LY96: variants seen among roughly 807,000 people sequenced by gnomAD.
The protein encoded by LY96 is myeloid differentiation protein-2.
LY96 carries 18 observed loss-of-function variants against 18.9 expected under a neutral mutation model. That is an observed-to-expected ratio of 0.95 (90% confidence interval 0.66 to 1.41). The LOEUF (loss-of-function observed/expected upper bound fraction) is 1.41, where lower values mean the gene tolerates loss of function less well. LY96 is among the 40% of genes most tolerant of loss of function. The pLI, the probability that LY96 is intolerant of heterozygous loss-of-function variation, is 0.00. For synonymous variants in LY96, 66 were observed against 62.6 expected, an observed-to-expected ratio of 1.06 and a Z score of -0.26; for missense variants, 175 against 182.4, an observed-to-expected ratio of 0.96 and a Z score of 0.23.
the LY96 span, among the ~76,000 whole-genome samples, chr8:74,080,261 G>A: frequency 6.6e-6 from 1 of 152,132 alleles, no homozygotes; most frequent in South Asian, 2.1e-4. Flanking sequence ...CTAGCATAAT[G>A]GCCTTTGGGT....
the LY96 span, among the ~76,000 whole-genome samples, chr8:74,093,844 A>AT: frequency 6.6e-6 from 1 of 152,158 alleles, no homozygotes; most frequent in African/African-American, 2.4e-5. Context: ...ATAGCATATT[A>AT]TTTATTTTGA....
At chr8:73,995,635 A>G (rs935514766) in intron 1 of LY96, among the ~76,000 whole-genome samples, 4 of 152,192 alleles carry the variant, frequency 2.6e-5, no homozygotes, top group African/African-American at 7.2e-5. Context: ...AGTTTTGGAA[A>G]AGGCAAAAAA....
chr8:74,068,803 T>C, the LY96 span, among the ~76,000 whole-genome samples: 1 of 152,244 alleles, frequency 6.6e-6, no homozygotes, highest in Non-Finnish European at 1.5e-5. Flanking sequence ...TACTGAGTTT[T>C]AATAATTCTT....
chr8:74,085,325 A>T, the LY96 span, among the ~76,000 whole-genome samples: 4 of 152,224 alleles, frequency 2.6e-5, no homozygotes, highest in African/African-American at 9.6e-5. Context: ...TTCTGGAATC[A>T]CAGAGGAATC....
intron 2 of LY96, among the ~76,000 whole-genome samples, chr8:74,009,374 C>CAAAAAAAAAAAAAAAAAAAAAAAAAAAAA (rs370593442): frequency 1.0e-4 from 6 of 58,812 alleles, no homozygotes; most frequent in Non-Finnish European, 1.5e-4. Context: ...CAGTCTTTCT[C>CAAAAAAAAAAAAAAAAAAAAAAAAAAAAA]AAAAAAAAAA....
chr8:74,056,605 G>T, the LY96 span: 1 of 157,254 alleles, frequency 6.4e-6, no homozygotes, highest in South Asian at 1.7e-4. Flanking sequence ...TGGGAAGGTT[G>T]AACGAGCAGA....
chr8:74,058,048 T>G, the LY96 span, among the ~76,000 whole-genome samples: 1 of 152,160 alleles, frequency 6.6e-6, no homozygotes, highest in Non-Finnish European at 1.5e-5. Context: ...AGTAGTCCTG[T>G]TTGAAGAGGA....
chr8:73,991,959 G>C (rs1816013696), intron 1 of LY96, among the ~76,000 whole-genome samples: 1 of 152,156 alleles, frequency 6.6e-6, no homozygotes, highest in Non-Finnish European at 1.5e-5. Flanking sequence ...TCTGCTCTAA[G>C]CTGTGACTCT....
the LY96 span, among the ~76,000 whole-genome samples, chr8:74,037,209 C>T: frequency 1.3e-5 from 2 of 152,122 alleles, no homozygotes; most frequent in African/African-American, 4.8e-5. Context: ...ATTCAAATTC[C>T]TTGGTTGTCT....
At chr8:74,079,319 A>G in the LY96 span, among the ~76,000 whole-genome samples, 1 of 152,170 alleles carries the variant, frequency 6.6e-6, no homozygotes, top group African/African-American at 2.4e-5. Context: ...CCATAATCTC[A>G]TGGACCAAAA....
the LY96 span, among the ~76,000 whole-genome samples, chr8:74,038,866 C>T: frequency 3.9e-5 from 6 of 152,214 alleles, no homozygotes; most frequent in Non-Finnish European, 1.5e-5. Flanking sequence ...TTCCTTTCTT[C>T]TGGGTAATCC....
At chr8:74,005,428 G>A (rs986015635) in intron 2 of LY96, among the ~76,000 whole-genome samples, 3 of 152,192 alleles carry the variant, frequency 2.0e-5, no homozygotes, top group Non-Finnish European at 4.4e-5. Context: ...ACTACTGGGA[G>A]AGGATTACAC....
the LY96 span, among the ~76,000 whole-genome samples, chr8:74,038,364 G>A: frequency 6.6e-6 from 1 of 151,526 alleles, no homozygotes; most frequent in African/African-American, 2.4e-5. Flanking sequence ...CCCAGCCTCT[G>A]GTAACCATCC....
At chr8:74,053,979 T>G in the LY96 span, among the ~76,000 whole-genome samples, 1 of 152,206 alleles carries the variant, frequency 6.6e-6, no homozygotes, top group Non-Finnish European at 1.5e-5. Context: ...GCTTTTGGAC[T>G]TCAGAATTGT....
chr8:73,993,457 A>AT (rs919486663), intron 1 of LY96, among the ~76,000 whole-genome samples: 8 of 151,624 alleles, frequency 5.3e-5, no homozygotes, highest in South Asian at 2.1e-4. Context: ...TAATTAAATA[A>AT]TTTTTTTTGA....
the LY96 span, among the ~76,000 whole-genome samples, chr8:74,098,351 AT>A: frequency 2.0e-5 from 3 of 152,104 alleles, no homozygotes; most frequent in Admixed American, 6.6e-5. Flanking sequence ...ATTAAAAAAA[AT>A]CTCACAGGTT....
the LY96 span, among the ~76,000 whole-genome samples, chr8:74,066,809 T>G: frequency 6.6e-6 from 1 of 152,156 alleles, no homozygotes; most frequent in Non-Finnish European, 1.5e-5. Context: ...CAGAGGGAGA[T>G]TCTCCAAAGA....
chr8:74,028,920 T>G (rs1816921850), intron 4 of LY96, 36 bp from the exon 5 acceptor site: 1 of 1,283,592 alleles, frequency 7.8e-7, no homozygotes, highest in Non-Finnish European at 1.1e-6. Context: ...GCATCTAACA[T>G]TTTGTATTAC....
chr8:74,020,801 C>G (rs538029073), intron 3 of LY96, among the ~76,000 whole-genome samples: 9 of 152,176 alleles, frequency 5.9e-5, no homozygotes, highest in East Asian at 1.9e-4. Flanking sequence ...ACAAACCTGA[C>G]AAAAACAAGC....
Sources: gnomAD v4.1 joint callset for allele counts (sites outside exome capture counted in the v4.1 genomes callset) on GRCh38, gnomAD v4.1.1 for gene constraint, MANE v1.5 for transcripts, NCBI Gene and HGNC (gene_info 2026-07-23, HGNC 2026-07-21) for gene names.